Variants in IMMP2L observed in about 807,000 individuals in gnomAD.
The protein encoded by IMMP2L is inner mitochondrial membrane peptidase subunit 2.
A neutral mutation model predicts 19.3 loss-of-function variants in IMMP2L; 18 were observed. The ratio of observed to expected loss-of-function variants is 0.93; its 90% CI spans 0.64 to 1.38. The LOEUF (loss-of-function observed/expected upper bound fraction) is 1.38. Ranked by LOEUF, IMMP2L falls within the 40% of genes most tolerant of loss-of-function variation. The pLI is 0.00. For synonymous variants in IMMP2L, 76 were observed against 73.0 expected, an observed-to-expected ratio of 1.04 and a Z score of -0.21; for missense variants, 233 against 218.2, an observed-to-expected ratio of 1.07 and a Z score of -0.43.
chr7:110,723,360 T>G (rs1795693799), intron 5 of IMMP2L, among the ~76,000 whole-genome samples: 2 of 152,230 alleles, frequency 1.3e-5, no homozygotes, highest in South Asian at 4.1e-4. Flanking sequence ...CCCAAGCTTT[T>G]GATCCTCCAG....
intron 3 of IMMP2L, among the ~76,000 whole-genome samples, chr7:111,142,521 T>C (rs1003537777): frequency 6.6e-6 from 1 of 151,898 alleles, no homozygotes; most frequent in Non-Finnish European, 1.5e-5. Flanking sequence ...ACAAGTAGGG[T>C]TCATTTTGAT....
chr7:111,187,383 C>A (rs545079116), intron 3 of IMMP2L, among the ~76,000 whole-genome samples: 1 of 152,056 alleles, frequency 6.6e-6, no homozygotes, highest in Non-Finnish European at 1.5e-5. Flanking sequence ...GAAAGAGTAC[C>A]CAGATATTCA....
intron 2 of IMMP2L, among the ~76,000 whole-genome samples, chr7:111,515,754 G>C (rs1845823848): frequency 6.6e-6 from 1 of 152,024 alleles, no homozygotes; most frequent in Admixed American, 6.6e-5. Context: ...CTTTTTATAA[G>C]AGAAACGTAT....
chr7:111,157,377 T>C (rs1052113637), intron 3 of IMMP2L, among the ~76,000 whole-genome samples: 1 of 152,082 alleles, frequency 6.6e-6, no homozygotes, highest in Non-Finnish European at 1.5e-5. Context: ...CTATACACAG[T>C]GGAGTACTCT....
chr7:111,001,102 C>G (rs1265688528), intron 3 of IMMP2L, among the ~76,000 whole-genome samples: 1 of 152,094 alleles, frequency 6.6e-6, no homozygotes, highest in Non-Finnish European at 1.5e-5. Flanking sequence ...ATTATCAATG[C>G]AACACAGGTA....
chr7:111,149,989 G>A (rs912276205), intron 3 of IMMP2L, among the ~76,000 whole-genome samples: 1 of 152,084 alleles, frequency 6.6e-6, no homozygotes, highest in East Asian at 1.9e-4. Context: ...ATATGTCAGG[G>A]AGCCAAACCT....
intron 3 of IMMP2L, among the ~76,000 whole-genome samples, chr7:111,029,481 T>C (rs995360463): frequency 2.6e-5 from 4 of 152,206 alleles, no homozygotes; most frequent in African/African-American, 9.6e-5. Context: ...CAGGTAGCTA[T>C]TTCTTTGCAT....
chr7:111,005,644 A>G (rs964755087), intron 3 of IMMP2L, among the ~76,000 whole-genome samples: 1 of 152,170 alleles, frequency 6.6e-6, no homozygotes, highest in Admixed American at 6.6e-5. Flanking sequence ...ACAATCATAA[A>G]CGACCAAGAT....
chr7:111,016,012 T>G (rs1825477993), intron 3 of IMMP2L, among the ~76,000 whole-genome samples: 1 of 152,208 alleles, frequency 6.6e-6, no homozygotes, highest in South Asian at 2.1e-4. Context: ...GACAACAAAC[T>G]AAAATGTAGC....
chr7:111,306,791 T>C (rs1354615253), intron 3 of IMMP2L, among the ~76,000 whole-genome samples: 1 of 151,852 alleles, frequency 6.6e-6, no homozygotes, highest in Non-Finnish European at 1.5e-5. Context: ...TCCTTTGGGC[T>C]GAATCAAGAA....
intron 3 of IMMP2L, among the ~76,000 whole-genome samples, chr7:111,348,684 T>C (rs1793291058): frequency 6.6e-6 from 1 of 152,142 alleles, no homozygotes; most frequent in Admixed American, 6.6e-5. Flanking sequence ...ATTATTAGTA[T>C]CATTTATAGA....
chr7:111,314,380 C>G (rs1823827935), intron 3 of IMMP2L, among the ~76,000 whole-genome samples: 1 of 151,774 alleles, frequency 6.6e-6, no homozygotes, highest in African/African-American at 2.4e-5. Context: ...CAGGAATATG[C>G]CGAAGAAAAG....
At chr7:110,875,524 T>C (rs1314192258) in intron 5 of IMMP2L, among the ~76,000 whole-genome samples, 1 of 152,144 alleles carries the variant, frequency 6.6e-6, no homozygotes, top group Non-Finnish European at 1.5e-5. Flanking sequence ...ATGACATAAT[T>C]TATAATCTCA....
At chr7:111,155,582 GTCTC>G (rs1055998967) in intron 3 of IMMP2L, among the ~76,000 whole-genome samples, 14 of 151,576 alleles carry the variant, frequency 9.2e-5, no homozygotes, top group African/African-American at 9.7e-5. Context: ...ATATTCCTCT[GTCTC>G]TCTGTCTGTG....
chr7:111,002,965 G>A (rs1346598488), intron 3 of IMMP2L, among the ~76,000 whole-genome samples: 1 of 152,154 alleles, frequency 6.6e-6, no homozygotes, highest in East Asian at 1.9e-4. Flanking sequence ...CCATGGTAAT[G>A]CTGCCATGCA....
At chr7:110,948,901 T>C (rs1047796768) in intron 4 of IMMP2L, among the ~76,000 whole-genome samples, 5 of 152,100 alleles carry the variant, frequency 3.3e-5, no homozygotes, top group African/African-American at 1.2e-4. Flanking sequence ...TGCAATTTCC[T>C]CTCTCTCCTA....
chr7:110,963,070 C>A, intron 4 of IMMP2L: 2 of 1,526,836 alleles, frequency 1.3e-6, no homozygotes, highest in Non-Finnish European at 1.8e-6. Context: ...GTTTCATATC[C>A]TTTTCAGTTT....
intron 5 of IMMP2L, among the ~76,000 whole-genome samples, chr7:110,774,021 T>C (rs926739251): frequency 6.6e-6 from 1 of 152,022 alleles, no homozygotes; most frequent in African/African-American, 2.4e-5. Context: ...TTGTCCTTGA[T>C]AACTGTTGCT....
intron 3 of IMMP2L, among the ~76,000 whole-genome samples, chr7:111,343,312 A>T (rs1001867538): frequency 2.0e-5 from 3 of 151,990 alleles, no homozygotes; most frequent in African/African-American, 7.2e-5. Flanking sequence ...CACTTCTGTG[A>T]CTTTTCCTTT....
Sources: gnomAD v4.1 joint callset for allele counts (sites outside exome capture counted in the v4.1 genomes callset) on GRCh38, gnomAD v4.1.1 for gene constraint, MANE v1.5 for transcripts, NCBI Gene and HGNC (gene_info 2026-07-23, HGNC 2026-07-21) for gene names.